CELSR1: variants seen among roughly 807,000 people sequenced by gnomAD.
CELSR1 encodes the protein adhesion G protein-coupled receptor C1.
In CELSR1, 110 loss-of-function variants were observed where a neutral mutation model predicts 249.1. The observed-to-expected ratio is 0.44, with a 90% CI of 0.38 to 0.52. CELSR1 has a LOEUF of 0.52. CELSR1 is among the 20% of genes least tolerant of loss of function. The pLI, the probability that CELSR1 is intolerant of heterozygous loss-of-function variation, is 0.00. For missense variants in CELSR1, 4,109 were observed against 4,296.4 expected (o/e 0.96, Z 1.22); for synonymous variants, 2,113 against 1,900.0 (o/e 1.11, Z -2.92).
At chr22:46,392,138 A>G (rs571506790) in intron 14 of CELSR1, among the ~76,000 whole-genome samples, 11 of 152,398 alleles carry the variant, frequency 7.2e-5, no homozygotes, top group Non-Finnish European at 1.3e-4. Flanking sequence ...GTATGGGGAT[A>G]GCCCTTGGGC....
rs2147695204 is a variant in CELSR1, at chr22:46,490,351, A to G, written c.3545-26006T>C. Among the ~76,000 whole-genome samples the G allele has an allele frequency of 6.6e-6, 1 of 152,208 alleles. No homozygotes were observed. The highest frequency in any genetic ancestry group is 2.4e-5 in the African/African-American group (1 of 41,518). ...ACCCAGGCTGGAGTACAGCGGCGCA[A>G]TCTTGGCTCACTCCAACCTCCGCCT... On this transcript the variant is annotated intron_variant, in intron 1 of 34. Transcript: ENST00000674500. The surrounding 1 kb of genome is among the most constrained non-coding windows in gnomAD (Gnocchi z 5.2).
Position 46,409,124 on chromosome 22 carries a change from C to G in CELSR1, c.5098G>C (p.Val1700Leu). ...ATGATGTTCAGGTCACTCCAGGACA[C>G]GACGCTCTCACCGCTGAAGAGCTGG... is the stretch of plus-strand genomic sequence containing the variant. ...HPQLFSGESV[V>L]SWSDLNIIIS... The change falls in exon 9 of 35, where the codon GTG (valine) becomes CTG (leucine). Residue 1700 changes from valine (V) to leucine (L), a missense_variant. Transcript: ENST00000674500. This position sits in a 1 kb window ranked among gnomAD's most constrained non-coding sequence, Gnocchi z 9.8. 1 of 1,613,420 alleles carries G rather than the reference C, an allele frequency of 6.2e-7. No homozygotes were observed. Among genetic ancestry groups the G allele is most frequent in the Non-Finnish European group, 8.5e-7 (1 of 1,179,772 alleles).
Position 46,377,227 on chromosome 22 carries a change from T to C in CELSR1, c.7418A>G (p.Tyr2473Cys), listed in dbSNP as rs73177077. ...TGCCAGTGACAAGGACACAGCGGCATAGGTGACAATCTTCAGAGGCAGGAC... is the reference window on the plus strand; with the variant it reads ...TGCCAGTGACAAGGACACAGCGGCACAGGTGACAATCTTCAGAGGCAGGAC... Reference protein sequence around the residue: ...GEVLPLKIVTYAAVSLSLAAL... With the variant: ...GEVLPLKIVTCAAVSLSLAAL... The change falls in exon 24 of 35, where the codon TAT becomes TGT. Residue 2473 changes from tyrosine (Y) to cysteine (C), a missense_variant. Tyr to Cys is a radical substitution (Grantham distance 194). Transcript: ENST00000674500. The C allele has an allele frequency of 1.5e-4, 246 of 1,613,902 alleles. No homozygotes were observed. Among genetic ancestry groups the C allele is most frequent in the Non-Finnish European group, 2.0e-4 (231 of 1,180,000 alleles).
intron 5 of CELSR1, among the ~76,000 whole-genome samples, chr22:46,431,943 G>A (rs555074703): frequency 8.5e-5 from 13 of 152,272 alleles, no homozygotes; most frequent in South Asian, 4.2e-4. Context: ...TCCAATGTGC[G>A]GCAGCCCAGA....
Position 46,381,357 on chromosome 22 carries a change from G to C in CELSR1, c.7089-402C>G, listed in dbSNP as rs940610876. Among the ~76,000 whole-genome samples, 3 of 152,204 alleles carry C rather than the reference G, an allele frequency of 2.0e-5. No individual in the cohort carries two copies. The highest frequency in any genetic ancestry group is 4.4e-5 in the Non-Finnish European group (3 of 68,044). ...GAACCACGTGAACACGAGGATCCCAGAGCCAGGGAAGTATCTGGGAAATGG... is the reference window on the plus strand; with the variant it reads ...GAACCACGTGAACACGAGGATCCCACAGCCAGGGAAGTATCTGGGAAATGG... On this transcript the variant is annotated intron_variant, in intron 21 of 34. Transcript: ENST00000674500. The surrounding 1 kb of genome is among the most constrained non-coding windows in gnomAD (Gnocchi z 6.0).
intron 1 of CELSR1, among the ~76,000 whole-genome samples, chr22:46,505,369 C>G (rs1430253105): frequency 6.6e-6 from 1 of 151,118 alleles, no homozygotes; most frequent in East Asian, 2.0e-4. Context: ...CGCGGTGGCT[C>G]ACACTCATAA....
In CELSR1 at chr22:46,454,762, G is replaced by A. The variant is rs1382209764; in HGVS notation, c.4183+8945C>T. On this transcript the variant is annotated intron_variant, in intron 2 of 34. Coordinates refer to ENST00000674500, the MANE Select transcript of CELSR1 (RefSeq NM_001378328.1). The surrounding 1 kb of genome is among the most constrained non-coding windows in gnomAD (Gnocchi z 5.1). ...TGCCTCCCACCCTGGAGTGGCCCGTGGTCCTCGCAGACACGCGACAGGCAG... is the reference window on the plus strand; with the variant it reads ...TGCCTCCCACCCTGGAGTGGCCCGTAGTCCTCGCAGACACGCGACAGGCAG... Among the ~76,000 whole-genome samples, 4 of 152,220 alleles carry A rather than the reference G, an allele frequency of 2.6e-5. No homozygotes were observed. Among genetic ancestry groups the A allele is most frequent in the African/African-American group, 9.6e-5 (4 of 41,452 alleles).
Position 46,438,261 on chromosome 22 carries a change from C to T in CELSR1, c.4406+928G>A, listed in dbSNP as rs773107176. 6.6e-5 allele frequency among the ~76,000 whole-genome samples: 10 copies of T among 152,088 alleles called. No individual in the cohort carries two copies. The East Asian group carries it at 9.7e-4, about 15-fold the overall frequency. On this transcript the variant is annotated intron_variant, in intron 3 of 34. Coordinates refer to ENST00000674500, the MANE Select transcript of CELSR1 (RefSeq NM_001378328.1). ...ATGAGAGGCAGCTGGGAACGGAGCC[C>T]GGAGCCCACTTGGGAGCCTGGACAC...
rs931028379 is a variant in CELSR1 at position 46,393,509 on chromosome 22, G to A, written c.5964+633C>T. ...TCCCAGCACTCTGGGAGGCTGAGGC[G>A]GGCGGATCACCTGAGGTCAGGAGTT... On this transcript the variant is annotated intron_variant, in intron 14 of 34. Coordinates refer to ENST00000674500, the MANE Select transcript of CELSR1 (RefSeq NM_001378328.1). The surrounding 1 kb of genome is among the most constrained non-coding windows in gnomAD (Gnocchi z 4.1). Among the ~76,000 whole-genome samples the A allele has an allele frequency of 7.2e-5, 11 of 152,112 alleles. No individual in the cohort carries two copies. Among genetic ancestry groups the A allele is most frequent in the African/African-American group, 9.7e-5 (4 of 41,422 alleles).
chr22:46,435,813 G>T (rs2079652775), intron 4 of CELSR1, among the ~76,000 whole-genome samples: 1 of 152,156 alleles, frequency 6.6e-6, no homozygotes, highest in Non-Finnish European at 1.5e-5. Flanking sequence ...CAATTCTCCT[G>T]CCTCAGCCTC....
At position 46,411,228 on chromosome 22, in the gene CELSR1, A is replaced by G. The variant is rs1344220268; in HGVS notation, c.4769+374T>C. ...AAAAACAAAACAACAACAAAAAAAC[A>G]TAAGCCTCTGGGACCAGCTGGCTGA... On this transcript the variant is annotated intron_variant, in intron 6 of 34. Coordinates refer to ENST00000674500, the MANE Select transcript of CELSR1 (RefSeq NM_001378328.1). The surrounding 1 kb of genome is among the most constrained non-coding windows in gnomAD (Gnocchi z 4.2). Among the ~76,000 whole-genome samples the G allele has an allele frequency of 6.6e-6, 1 of 152,100 alleles. No individual in the cohort carries two copies. The highest frequency in any genetic ancestry group is 1.5e-5 in the Non-Finnish European group (1 of 68,010).
At chr22:46,532,870 AG>A (rs1280868267) in intron 1 of CELSR1, among the ~76,000 whole-genome samples, 14 of 152,094 alleles carry the variant, frequency 9.2e-5, no homozygotes, top group Admixed American at 5.2e-4. Context: ...TCAGAGGCAT[AG>A]AGGACCGGCC....
chr22:46,364,066 G>GCC lies in CELSR1; in HGVS notation c.8963_8964dup (p.Arg2989GlyfsTer10), dbSNP rs771833392. 5 of 1,612,144 alleles carry GCC rather than the reference G, an allele frequency of 3.1e-6. No individual in the cohort carries two copies. The highest frequency in any genetic ancestry group is 3.3e-5 in the Admixed American group (2 of 59,962). On this transcript the variant is annotated frameshift_variant, in exon 34 of 35. Transcript: ENST00000674500. LOFTEE classifies it high-confidence loss of function. ...ATGGCCACCCCGTTGAGGTGGTCAC[G>GCC]CCCCGGCTCCCTCCCAGGGCTCTTG...
At chr22:46,467,251 T>C (rs547525335) in intron 1 of CELSR1, among the ~76,000 whole-genome samples, 2 of 152,286 alleles carry the variant, frequency 1.3e-5, no homozygotes, top group African/African-American at 2.4e-5. Context: ...TTGCCAAAAA[T>C]AAATTGTAAA....
At chr22:46,508,773 TG>T (rs2080542349) in intron 1 of CELSR1, among the ~76,000 whole-genome samples, 1 of 152,160 alleles carries the variant, frequency 6.6e-6, no homozygotes, top group South Asian at 2.1e-4. Flanking sequence ...ACAATCCCCA[TG>T]GGAATGCCGA....
intron 1 of CELSR1, among the ~76,000 whole-genome samples, chr22:46,478,689 C>T (rs951810714): frequency 6.6e-6 from 1 of 150,412 alleles, no homozygotes; most frequent in Non-Finnish European, 1.5e-5. Flanking sequence ...ATTACAGGTG[C>T]GTGCCACCAT....
intron 1 of CELSR1, among the ~76,000 whole-genome samples, chr22:46,524,737 A>C (rs1364992558): frequency 6.6e-6 from 1 of 152,168 alleles, no homozygotes; most frequent in Non-Finnish European, 1.5e-5. Context: ...AGGTATCCAC[A>C]AGTCCTTACC....
intron 1 of CELSR1, among the ~76,000 whole-genome samples, chr22:46,487,408 CG>C (rs1291460063): frequency 6.7e-6 from 1 of 148,176 alleles, no homozygotes; most frequent in Non-Finnish European, 1.5e-5. Context: ...CAAACATTTG[CG>C]GGCCCTGTGT....
At position 46,439,048 on chromosome 22, in the gene CELSR1, G is replaced by A. The variant is rs149228522; in HGVS notation, c.4406+141C>T. 2,290 of 814,770 alleles carry A rather than the reference G, an allele frequency of 2.8e-3. 39 individuals carry two copies. In the Admixed American group the frequency reaches 0.041, roughly 15 times the overall value. 50.5% of individuals were successfully genotyped at this position (814,770 alleles called of 1,614,324 possible). ...GCTGGGATTACAGGCGTGAGCCACC[G>A]CGCCTGGCCTGGAGCTACTCAACTA... is the stretch of plus-strand genomic sequence containing the variant. On this transcript the variant is annotated intron_variant, in intron 3 of 34. Coordinates refer to ENST00000674500, the MANE Select transcript of CELSR1 (RefSeq NM_001378328.1).
Sources: gnomAD v4.1 joint callset for allele counts (sites outside exome capture counted in the v4.1 genomes callset) on GRCh38, gnomAD v4.1.1 for gene constraint, Gnocchi (gnomAD v3.1) non-coding constraint, MANE v1.5 for transcripts, NCBI Gene and HGNC (gene_info 2026-07-23, HGNC 2026-07-21) for gene names.